The following LAMA4 variants were observed in gnomAD, a reference collection of about 807,000 sequenced individuals.
LAMA4 encodes laminin subunit alpha-4.
Under a neutral mutation model 207.1 loss-of-function variants are expected in LAMA4, and 127 were observed. That is an observed-to-expected ratio of 0.61 (90% CI 0.53 to 0.71). The LOEUF (loss-of-function observed/expected upper bound fraction) is 0.71. LAMA4 is among the 30% of genes least tolerant of loss of function. LAMA4 has a pLI of 0.00. For missense variants in LAMA4, 2,093 were observed against 2,246.5 expected, an observed-to-expected ratio of 0.93 and a Z score of 1.38; for synonymous variants, 761 against 816.0, an observed-to-expected ratio of 0.93 and a Z score of 1.15.
At chr6:112,139,531 C>T (rs1238295353) in intron 23 of LAMA4, among the ~76,000 whole-genome samples, 1 of 152,204 alleles carries the variant, frequency 6.6e-6, no homozygotes, top group African/African-American at 2.4e-5. Context: ...TCTCTGGAAT[C>T]CTTAATCAAG....
intron 26 of LAMA4, 52 bp downstream of exon 26, chr6:112,134,415 G>A: frequency 6.3e-7 from 1 of 1,592,222 alleles, no homozygotes; most frequent in Non-Finnish European, 8.6e-7. Context: ...CCTGGATGTT[G>A]CCAGCCCAGT....
chr6:112,184,925 T>C lies in LAMA4; in HGVS notation c.1077+312A>G, dbSNP rs141157664. Reference sequence around the variant, plus strand: ...CTGGATGCTCTGTAGCTCTTAGTCATAAGATGCCTTGGCAAACACCTGAAT... The same window carrying C: ...CTGGATGCTCTGTAGCTCTTAGTCACAAGATGCCTTGGCAAACACCTGAAT... On this transcript the variant is annotated intron_variant, in intron 9 of 38. Coordinates refer to ENST00000230538, the MANE Select transcript of LAMA4 (RefSeq NM_001105206.3). Among the ~76,000 whole-genome samples, 333 of 152,336 alleles carry C rather than the reference T, an allele frequency of 2.2e-3. 1 individual carries two copies. The highest frequency in any genetic ancestry group is 7.6e-3 in the African/African-American group (317 of 41,584).
intron 2 of LAMA4, chr6:112,219,565 A>G (rs1170332983): frequency 2.6e-5 from 4 of 152,178 alleles, no homozygotes; most frequent in Non-Finnish European, 5.9e-5. Flanking sequence ...AATTGATAGT[A>G]ATAACAAGGA....
In LAMA4 at chr6:112,172,815, ATGGAGATAAAGGCTCAGTG is replaced by A. The variant is rs782377638; in HGVS notation, c.1358-30_1358-12del. On this transcript the variant is annotated splice_polypyrimidine_tract_variant and intron_variant, in intron 11 of 38. Transcript: ENST00000230538. ...CAGCCTGGCTCAGTACTGGGAAGAA[ATGGAGATAAAGGCTCAGTG>A]TGGCTTTCTCCTGTTCGCTTCCATT... The A allele has an allele frequency of 6.2e-7, 1 of 1,611,740 alleles. No individual in the cohort carries two copies. Among genetic ancestry groups the A allele is most frequent in the South Asian group, 1.1e-5 (1 of 90,876 alleles).
intron 2 of LAMA4, among the ~76,000 whole-genome samples, chr6:112,242,713 C>T (rs1353203170): frequency 5.3e-5 from 8 of 152,182 alleles, no homozygotes; most frequent in Non-Finnish European, 1.0e-4. Flanking sequence ...GTGCACACCC[C>T]TCACACACCA....
intron 2 of LAMA4, among the ~76,000 whole-genome samples, chr6:112,248,423 C>T (rs1272408793): frequency 3.0e-4 from 44 of 147,686 alleles, no homozygotes; most frequent in Admixed American, 2.8e-3. Context: ...TGCTTGAACC[C>T]GGGAGGCAGA....
intron 2 of LAMA4, among the ~76,000 whole-genome samples, chr6:112,239,348 T>C (rs1451206341): frequency 6.8e-6 from 1 of 146,030 alleles, no homozygotes; most frequent in Non-Finnish European, 1.5e-5. Context: ...AAAAGAGACC[T>C]GAGTCTGGAG....
At chr6:112,159,401 G>A (rs1780921426) in intron 13 of LAMA4, 1 of 159,708 alleles carries the variant, frequency 6.3e-6, no homozygotes, top group Non-Finnish European at 1.4e-5. Context: ...TACCTTTCAG[G>A]TGACTGACTA....
intron 18 of LAMA4, among the ~76,000 whole-genome samples, chr6:112,147,317 A>G (rs533534389): frequency 6.6e-6 from 1 of 152,216 alleles, no homozygotes; most frequent in Non-Finnish European, 1.5e-5. Context: ...TTAAAAGATC[A>G]TTATAAAAGA....
rs1583615610 is a variant in LAMA4 at position 112,109,434 on chromosome 6, A to G, written c.*3T>C. On this transcript the variant is annotated 3_prime_UTR_variant, in exon 39 of 39. Transcript: ENST00000230538. ...TGTATTTGGGCAGCTGTGCTCTGTC[A>G]TGTCAGGCTGCTGGACAGGAGTTGA... 2.5e-6 allele frequency: 4 copies of G among 1,613,830 alleles called. No individual in the cohort carries two copies. The highest frequency in any genetic ancestry group is 3.4e-6 in the Non-Finnish European group (4 of 1,179,966).
chr6:112,227,186 T>C (rs1214469815), intron 2 of LAMA4, among the ~76,000 whole-genome samples: 1 of 152,066 alleles, frequency 6.6e-6, no homozygotes, highest in African/African-American at 2.4e-5. Flanking sequence ...ATTGTCTGTC[T>C]CAGCCTCCTG....
At chr6:112,193,188 AAAAG>A (rs1783218188) in intron 5 of LAMA4, among the ~76,000 whole-genome samples, 1 of 152,096 alleles carries the variant, frequency 6.6e-6, no homozygotes, top group Non-Finnish European at 1.5e-5. Flanking sequence ...ATGAGAGGGA[AAAAG>A]AAAGAGAGCC....
intron 10 of LAMA4, among the ~76,000 whole-genome samples, chr6:112,176,623 G>A (rs543083139): frequency 5.9e-5 from 9 of 152,240 alleles, no homozygotes; most frequent in Non-Finnish European, 1.2e-4. Flanking sequence ...ATTAACCTGC[G>A]AAATAAACTA....
At chr6:112,143,837 C>G (rs186302190) in intron 19 of LAMA4, among the ~76,000 whole-genome samples, 3 of 152,240 alleles carry the variant, frequency 2.0e-5, no homozygotes, top group Admixed American at 2.0e-4. Flanking sequence ...TTTAGAATGC[C>G]ATTTCTTGAT....
At position 112,217,852 on chromosome 6, in the gene LAMA4, TA is replaced by T. The variant is rs1583920952; in HGVS notation, c.196-1384del. The T allele has an allele frequency of 4.6e-5, 7 of 152,332 alleles. No individual in the cohort carries two copies. The East Asian group carries it at 1.4e-3, about 29-fold the overall frequency. The allele number at this position is 152,332 out of a possible 1,614,324, so 9.4% of individuals were successfully genotyped here. On this transcript the variant is annotated intron_variant, in intron 2 of 38. Coordinates refer to ENST00000230538, the MANE Select transcript of LAMA4 (RefSeq NM_001105206.3). ...CTAGAAAACAAGAGAGGGAAGACAC[TA>T]AGATTGCAGTAGGAAGCATTTAATT...
chr6:112,136,270 A>G lies in LAMA4; in HGVS notation c.3283-16T>C. ...AAAACATACTCTGAGGAGAGAAAGGAATTGTAAGATAGGAACATCTGTTAT... is the reference window on the plus strand; with the variant it reads ...AAAACATACTCTGAGGAGAGAAAGGGATTGTAAGATAGGAACATCTGTTAT... On this transcript the variant is annotated splice_polypyrimidine_tract_variant and intron_variant, in intron 24 of 38. Transcript: ENST00000230538. 1 of 1,591,398 alleles carries G rather than the reference A, an allele frequency of 6.3e-7. No homozygotes were observed. Among genetic ancestry groups the G allele is most frequent in the Non-Finnish European group, 8.6e-7 (1 of 1,161,108 alleles).
intron 10 of LAMA4, among the ~76,000 whole-genome samples, chr6:112,176,738 C>G (rs1657293806): frequency 2.6e-5 from 4 of 152,176 alleles, no homozygotes; most frequent in Non-Finnish European, 4.4e-5. Flanking sequence ...AGTTTAGCTA[C>G]TTGCAGTATA....
chr6:112,143,187 T>G (rs1342452654), intron 19 of LAMA4, among the ~76,000 whole-genome samples: 1 of 152,210 alleles, frequency 6.6e-6, no homozygotes, highest in East Asian at 1.9e-4. Context: ...TTATTAATAT[T>G]GATTTGGCTA....
chr6:112,125,364 C>T (rs73532615), intron 31 of LAMA4, among the ~76,000 whole-genome samples: 7,110 of 152,206 alleles, frequency 0.047, 551 homozygotes, highest in African/African-American at 0.16. Flanking sequence ...GCTTCGTGCA[C>T]GTGATCTACC....
Sources: gnomAD v4.1 joint callset for allele counts (sites outside exome capture counted in the v4.1 genomes callset) on GRCh38, gnomAD v4.1.1 for gene constraint, MANE v1.5 for transcripts, NCBI Gene and HGNC (gene_info 2026-07-23, HGNC 2026-07-21) for gene names.